FAM13B: variants seen among roughly 807,000 people sequenced by gnomAD.
FAM13B encodes family with sequence similarity 13 member B.
FAM13B carries 60 observed loss-of-function variants against 117.3 expected under a neutral mutation model. The observed-to-expected ratio is 0.51, with a 90% CI of 0.42 to 0.63. FAM13B has a LOEUF of 0.63. Ranked by LOEUF, FAM13B falls within the 30% of genes least tolerant of loss-of-function variation. The pLI, the probability that FAM13B is intolerant of heterozygous loss-of-function variation, is 0.00. For missense variants in FAM13B, 972 were observed against 1,091.9 expected (o/e 0.89, Z 1.55); for synonymous variants, 332 against 356.1 (o/e 0.93, Z 0.76).
chr5:137,975,989 T>TTTTTG (rs1773842966), intron 10 of FAM13B, among the ~76,000 whole-genome samples: 1 of 147,418 alleles, frequency 6.8e-6, no homozygotes, highest in Non-Finnish European at 1.5e-5. Context: ...CCTTTTTTTT[T>TTTTTG]TTTTTTGAGA....
At chr5:137,960,459 C>T (rs959405500) in intron 11 of FAM13B, among the ~76,000 whole-genome samples, 1 of 152,002 alleles carries the variant, frequency 6.6e-6, no homozygotes, top group Non-Finnish European at 1.5e-5. Context: ...CTCCACCCCA[C>T]AAACCACAGC....
intron 17 of FAM13B, among the ~76,000 whole-genome samples, chr5:137,951,324 C>T (rs998001952): frequency 6.6e-6 from 1 of 151,602 alleles, no homozygotes; most frequent in Non-Finnish European, 1.5e-5. Flanking sequence ...CTGCTATATC[C>T]CTAGTTGTCT....
chr5:137,968,595 G>T (rs576401954), intron 10 of FAM13B, among the ~76,000 whole-genome samples: 1 of 152,104 alleles, frequency 6.6e-6, no homozygotes, highest in South Asian at 2.1e-4. Flanking sequence ...AGCAATTTGT[G>T]GGGGGAGGAG....
chr5:138,004,636 G>C (rs1372537434), intron 7 of FAM13B, among the ~76,000 whole-genome samples: 2 of 152,126 alleles, frequency 1.3e-5, no homozygotes, highest in Non-Finnish European at 2.9e-5. Flanking sequence ...ATACACACAA[G>C]TGGCCGGGCA....
At chr5:138,032,295 T>C (rs945998926) in intron 1 of FAM13B, among the ~76,000 whole-genome samples, 8 of 152,146 alleles carry the variant, frequency 5.3e-5, no homozygotes, top group African/African-American at 1.4e-4. Context: ...CTCTGAGCGA[T>C]TTAAGGAAGT....
At chr5:137,961,314 AAACAAC>A (rs56832242) in intron 11 of FAM13B, among the ~76,000 whole-genome samples, 76,936 of 151,092 alleles carry the variant, frequency 0.51, 19,725 homozygotes, top group East Asian at 0.62. Flanking sequence ...CTTTTTCCAA[AAACAAC>A]AACAACAACA....
intron 10 of FAM13B, among the ~76,000 whole-genome samples, chr5:137,971,111 C>T (rs1356860636): frequency 1.3e-5 from 2 of 151,574 alleles, no homozygotes; most frequent in African/African-American, 4.8e-5. Context: ...CCAAGCGGAC[C>T]TTATAGACAT....
rs535360258 is a variant in FAM13B, at chr5:138,018,285, G to C, written c.370+17C>G. 1 of 1,586,624 alleles carries C rather than the reference G, an allele frequency of 6.3e-7. No individual in the cohort carries two copies. The highest frequency in any genetic ancestry group is 8.7e-7 in the Non-Finnish European group (1 of 1,155,360). ...TTAACAACAAATGACCAATTGATAA[G>C]TATCAAATTATGTTACCTTGAGAAA... On this transcript the variant is annotated intron_variant, in intron 4 of 23. Transcript: ENST00000689681.
intron 14 of FAM13B, among the ~76,000 whole-genome samples, chr5:137,955,356 C>T (rs1297003202): frequency 8.6e-6 from 1 of 115,736 alleles, no homozygotes; most frequent in African/African-American, 3.0e-5. Flanking sequence ...CTACAGGATT[C>T]CTATGTATAA....
intron 10 of FAM13B, among the ~76,000 whole-genome samples, chr5:137,974,988 G>T (rs1273582670): frequency 3.9e-5 from 6 of 152,204 alleles, no homozygotes; most frequent in African/African-American, 1.4e-4. Context: ...ACACAGCCAT[G>T]CTCATTTCTT....
At chr5:138,041,748 G>A (rs1444455259) in intron 1 of FAM13B, among the ~76,000 whole-genome samples, 1 of 151,434 alleles carries the variant, frequency 6.6e-6, no homozygotes, top group Admixed American at 6.6e-5. Flanking sequence ...ACCAGCCTGG[G>A]CAACATAGCA....
At chr5:137,998,215 CAAT>C (rs1313756829) in intron 7 of FAM13B, among the ~76,000 whole-genome samples, 1 of 152,194 alleles carries the variant, frequency 6.6e-6, no homozygotes, top group Non-Finnish European at 1.5e-5. Context: ...AAGTTTTCAA[CAAT>C]GATGATGCAA....
intron 1 of FAM13B, among the ~76,000 whole-genome samples, chr5:138,047,973 A>G (rs1791690646): frequency 6.6e-6 from 1 of 152,256 alleles, no homozygotes; most frequent in African/African-American, 2.4e-5. Context: ...TTATTTTAGA[A>G]TAACTTTAGG....
At chr5:138,013,294 G>T (rs1457124327) in intron 4 of FAM13B, among the ~76,000 whole-genome samples, 1 of 152,082 alleles carries the variant, frequency 6.6e-6, no homozygotes, top group Non-Finnish European at 1.5e-5. Flanking sequence ...AAGGTCAGGA[G>T]ATCGAGACCA....
chr5:137,944,779 C>T (rs866104349), intron 20 of FAM13B, among the ~76,000 whole-genome samples: 1 of 118,682 alleles, frequency 8.4e-6, no homozygotes, highest in African/African-American at 3.0e-5. Flanking sequence ...AAAAAAAAAA[C>T]AAAATCATGT....
At chr5:137,984,505 C>T (rs1267139441) in intron 10 of FAM13B, among the ~76,000 whole-genome samples, 1 of 152,146 alleles carries the variant, frequency 6.6e-6, no homozygotes, top group African/African-American at 2.4e-5. Context: ...TACTCACTTC[C>T]CCCGAGTATC....
chr5:137,998,596 T>G (rs148640080), intron 7 of FAM13B, among the ~76,000 whole-genome samples: 11 of 152,296 alleles, frequency 7.2e-5, no homozygotes, highest in Non-Finnish European at 1.3e-4. Flanking sequence ...TAAGAAAAAC[T>G]GACAATATAA....
intron 1 of FAM13B, among the ~76,000 whole-genome samples, chr5:138,047,184 G>T (rs1269381315): frequency 6.6e-6 from 1 of 151,990 alleles, no homozygotes; most frequent in Non-Finnish European, 1.5e-5. Flanking sequence ...AAGATGGCTA[G>T]TGTAGGCAGA....
At chr5:137,988,876 A>G (rs993834967) in intron 7 of FAM13B, among the ~76,000 whole-genome samples, 3 of 152,186 alleles carry the variant, frequency 2.0e-5, no homozygotes, top group African/African-American at 7.2e-5. Context: ...CCCCAAATAT[A>G]TATACTTGTG....
Sources: allele counts gnomAD v4.1 joint callset (sites outside exome capture counted in the v4.1 genomes callset), GRCh38; gene constraint gnomAD v4.1.1; transcripts MANE v1.5; gene names NCBI Gene and HGNC (gene_info 2026-07-23, HGNC 2026-07-21).